The following GSE1 variants were observed in gnomAD, a reference collection of about 807,000 sequenced individuals.
The protein encoded by GSE1 is genetic suppressor element 1.
Under a neutral mutation model 112.6 loss-of-function variants are expected in GSE1, and 32 were observed. The ratio of observed to expected loss-of-function variants is 0.28; its 90% CI spans 0.21 to 0.38. The LOEUF (loss-of-function observed/expected upper bound fraction) is 0.38. Among genes scored for constraint, GSE1 ranks in the 10% least tolerant of loss-of-function variants. The pLI, the probability that GSE1 is intolerant of heterozygous loss-of-function variation, is 1.00. For synonymous variants in GSE1, 1,115 were observed against 735.6 expected (o/e 1.52, Z -8.35); for missense variants, 2,348 against 1,699.2 (o/e 1.38, Z -6.71).
chr16:85,494,623 C>T (rs940938832), intron 2 of GSE1, among the ~76,000 whole-genome samples: 1 of 152,100 alleles, frequency 6.6e-6, no homozygotes, highest in African/African-American at 2.4e-5. Flanking sequence ...AAACTGGTCT[C>T]AAACTCCTGG....
chr16:85,357,093 C>T (rs887313400), intron 1 of GSE1, among the ~76,000 whole-genome samples: 5 of 152,206 alleles, frequency 3.3e-5, no homozygotes, highest in African/African-American at 1.2e-4. Flanking sequence ...CAAGGCTGGA[C>T]CTTTGGGCTT....
At chr16:85,256,931 G>T (rs1367669042) in intron 1 of GSE1, among the ~76,000 whole-genome samples, 1 of 152,220 alleles carries the variant, frequency 6.6e-6, no homozygotes, top group East Asian at 1.9e-4. Context: ...GGTCTCCACT[G>T]CATTGAGCAA....
intron 2 of GSE1, among the ~76,000 whole-genome samples, chr16:85,478,960 TTTCTTTCCTTCC>T (rs1398645442): frequency 3.6e-5 from 3 of 83,740 alleles, no homozygotes; most frequent in South Asian, 3.5e-4. Flanking sequence ...TTTTTCTTTC[TTTCTTTCCTTCC>T]TTCCTTCCTT....
chr16:85,234,138 G>A (rs1207464807), intron 1 of GSE1, among the ~76,000 whole-genome samples: 1 of 152,152 alleles, frequency 6.6e-6, no homozygotes, highest in Non-Finnish European at 1.5e-5. Flanking sequence ...CCCACCTAGT[G>A]CTGCAAGGGA....
At chr16:85,606,251 T>G (rs1170591003) in intron 1 of GSE1, among the ~76,000 whole-genome samples, 1 of 152,188 alleles carries the variant, frequency 6.6e-6, no homozygotes, top group Non-Finnish European at 1.5e-5. Flanking sequence ...GTAGGAAAAT[T>G]TGGCCAGGTT....
chr16:85,630,746 G>T (rs2049475000), intron 1 of GSE1, among the ~76,000 whole-genome samples: 1 of 152,184 alleles, frequency 6.6e-6, no homozygotes, highest in Non-Finnish European at 1.5e-5. Flanking sequence ...AATGAGCAGT[G>T]GGGGCCCAGG....
At chr16:85,527,742 A>G (rs1169184507) in intron 2 of GSE1, among the ~76,000 whole-genome samples, 2 of 152,220 alleles carry the variant, frequency 1.3e-5, no homozygotes, top group Non-Finnish European at 2.9e-5. Context: ...AAGAGAGCGC[A>G]CGGGCTTGCC....
chr16:85,573,972 C>T (rs1371910488), intron 1 of GSE1, among the ~76,000 whole-genome samples: 2 of 152,168 alleles, frequency 1.3e-5, no homozygotes, highest in East Asian at 1.9e-4. Context: ...GACGTGGCGC[C>T]GTCTCTTTGG....
intron 1 of GSE1, among the ~76,000 whole-genome samples, chr16:85,174,570 C>T (rs538154540): frequency 3.9e-5 from 6 of 152,240 alleles, no homozygotes; most frequent in Non-Finnish European, 8.8e-5. Context: ...TATGGAGCGC[C>T]AGCTCTGAGC....
chr16:85,629,311 C>T (rs535639441), intron 1 of GSE1, among the ~76,000 whole-genome samples: 114 of 152,384 alleles, frequency 7.5e-4, no homozygotes, highest in African/African-American at 2.5e-3. Flanking sequence ...CATAGCACAT[C>T]TGCCCGGGTG....
intron 1 of GSE1, among the ~76,000 whole-genome samples, chr16:85,208,617 G>A (rs981031537): frequency 6.6e-6 from 1 of 152,090 alleles, no homozygotes; most frequent in African/African-American, 2.4e-5. Flanking sequence ...AGATACCTTA[G>A]GCTTTGCGGG....
intron 1 of GSE1, among the ~76,000 whole-genome samples, chr16:85,272,761 T>G (rs1908971965): frequency 1.3e-5 from 2 of 151,262 alleles, no homozygotes; most frequent in Admixed American, 1.3e-4. Context: ...CTTGCTTGCT[T>G]GTTTTCTTCT....
chr16:85,339,622 A>G (rs1278017798), intron 1 of GSE1, among the ~76,000 whole-genome samples: 1 of 12,528 alleles, frequency 8.0e-5, no homozygotes, highest in African/African-American at 3.5e-4. Context: ...GCGGAGGGGG[A>G]GGGGGGCAGA....
chr16:85,304,000 G>T (rs1319534146), intron 1 of GSE1, among the ~76,000 whole-genome samples: 9 of 152,232 alleles, frequency 5.9e-5, no homozygotes, highest in Middle Eastern at 3.2e-3. Flanking sequence ...GTGGTCTAGG[G>T]CAGGAGAAGG....
At chr16:85,175,654 C>T (rs919134744) in intron 1 of GSE1, among the ~76,000 whole-genome samples, 11 of 152,130 alleles carry the variant, frequency 7.2e-5, no homozygotes, top group Admixed American at 2.0e-4. Context: ...GGATGGGGAA[C>T]GGCTGTCCCT....
In GSE1 at chr16:85,401,926, G is replaced by C. The variant is rs115951285; in HGVS notation, c.2464+44283G>C. On this transcript the variant is annotated intron_variant, in intron 2 of 2. Coordinates refer to the GSE1 transcript ENST00000637419. The stretch of plus-strand genomic sequence containing the variant: ...TTACTGGGCAGCCCCGCTGTGAGTG[G>C]GCACTTCTGGGGGATCCAGGTATGA... Among the ~76,000 whole-genome samples, 286 of 152,348 alleles carry C rather than the reference G, an allele frequency of 1.9e-3. 1 individual carries two copies. The highest frequency in any genetic ancestry group is 6.4e-3 in the African/African-American group (267 of 41,588).
intron 1 of GSE1, among the ~76,000 whole-genome samples, chr16:85,316,122 T>C (rs1347591058): frequency 6.6e-6 from 1 of 152,236 alleles, no homozygotes; most frequent in East Asian, 1.9e-4. Flanking sequence ...AGAAACCTGA[T>C]AGCAGCCACG....
At chr16:85,337,468 G>A (rs2046522918) in intron 1 of GSE1, among the ~76,000 whole-genome samples, 1 of 152,032 alleles carries the variant, frequency 6.6e-6, no homozygotes, top group South Asian at 2.1e-4. Flanking sequence ...ACCACGCCCG[G>A]CTAATTTTTT....
At chr16:85,448,710 A>C (rs1030365081) in intron 2 of GSE1, among the ~76,000 whole-genome samples, 1 of 152,168 alleles carries the variant, frequency 6.6e-6, no homozygotes, top group Non-Finnish European at 1.5e-5. Flanking sequence ...CGGGGGCACC[A>C]CTGGCAGCCC....
Sources: gnomAD v4.1 joint callset for allele counts (sites outside exome capture counted in the v4.1 genomes callset) on GRCh38, gnomAD v4.1.1 for gene constraint, MANE v1.5 for transcripts, NCBI Gene and HGNC (gene_info 2026-07-23, HGNC 2026-07-21) for gene names.